IPO5: variants seen among roughly 807,000 people sequenced by gnomAD.
IPO5 encodes the protein importin-5.
In IPO5, 18 loss-of-function variants were observed where a neutral mutation model predicts 143.3. The observed-to-expected ratio is 0.13, with a 90% CI of 0.09 to 0.19. The LOEUF (loss-of-function observed/expected upper bound fraction) is 0.19, where lower values mean the gene tolerates loss of function less well. Ranked by LOEUF, IPO5 falls within the 10% of genes least tolerant of loss-of-function variation. The pLI is 1.00. For missense variants in IPO5, 1,013 were observed against 1,336.9 expected, an observed-to-expected ratio of 0.76 and a Z score of 3.78; for synonymous variants, 477 against 465.7, an observed-to-expected ratio of 1.02 and a Z score of -0.31.
intron 5 of IPO5, 141 bp from the exon 6 acceptor site, chr13:97,985,280 G>C: frequency 1.5e-6 from 1 of 655,928 alleles, no homozygotes; most frequent in Non-Finnish European, 2.6e-6. Context: ...AAATAAGTCT[G>C]TATAATAGAC....
At chr13:97,964,366 T>G (rs1885126920) in intron 2 of IPO5, among the ~76,000 whole-genome samples, 1 of 152,072 alleles carries the variant, frequency 6.6e-6, no homozygotes, top group African/African-American at 2.4e-5. Flanking sequence ...GAGTTAATTT[T>G]TGTATAAGGT....
intron 6 of IPO5, among the ~76,000 whole-genome samples, chr13:97,985,951 C>T (rs980428563): frequency 7.2e-5 from 11 of 151,864 alleles, no homozygotes; most frequent in African/African-American, 2.7e-4. Context: ...GGCAAAACCC[C>T]GTTTCTACAA....
At chr13:97,959,471 T>A (rs1884698431) in intron 2 of IPO5, among the ~76,000 whole-genome samples, 1 of 152,056 alleles carries the variant, frequency 6.6e-6, no homozygotes, top group Admixed American at 6.6e-5. Context: ...GGCTCACGCC[T>A]ATAATCCCAG....
chr13:97,995,532 G>A (rs1248623452), intron 11 of IPO5, among the ~76,000 whole-genome samples: 1 of 151,338 alleles, frequency 6.6e-6, no homozygotes, highest in Non-Finnish European at 1.5e-5. Context: ...GAGGCAGGTG[G>A]ATCACGAGGT....
chr13:97,959,796 C>T (rs1475396638), intron 2 of IPO5, among the ~76,000 whole-genome samples: 2 of 151,976 alleles, frequency 1.3e-5, no homozygotes, highest in Admixed American at 6.6e-5. Context: ...ATTCGTGATC[C>T]CATTATCTTC....
intron 18 of IPO5, among the ~76,000 whole-genome samples, chr13:98,009,342 CTG>C (rs1889518274): frequency 2.0e-5 from 3 of 152,132 alleles, no homozygotes; most frequent in Non-Finnish European, 4.4e-5. Context: ...ATGATAAAGT[CTG>C]TGTAAACACA....
chr13:97,958,692 G>A (rs1354571550), intron 2 of IPO5, among the ~76,000 whole-genome samples: 1 of 150,602 alleles, frequency 6.6e-6, no homozygotes, highest in Non-Finnish European at 1.5e-5. Flanking sequence ...AAGAAAGAAA[G>A]AGAAAAGAAA....
chr13:98,016,804 G>A lies in IPO5; in HGVS notation c.2569G>A (p.Val857Met). Residue 857 changes from valine (V) to methionine (M), a missense_variant, in exon 25 of 29, where the codon GTG becomes ATG. By Grantham distance (21) the Val-to-Met change is conservative (BLOSUM62 1). Transcript: ENST00000651721. ...HSIFSSYKEK[V>M]LPWFEQLLPL... ...AATATTCAGTAGCTACAAAGAAAAG[G>A]TGTTACCATGGTTTGAACAGCTGCT... The A allele has an allele frequency of 6.3e-7, 1 of 1,579,586 alleles. No homozygotes were observed. Among genetic ancestry groups the A allele is most frequent in the Non-Finnish European group, 8.6e-7 (1 of 1,164,550 alleles).
chr13:98,015,571 C>T lies in IPO5; in HGVS notation c.2367C>T (p.His789=), dbSNP rs571232509. The change falls in exon 23 of 29, where the codon CAC becomes CAT. Residue 789 remains histidine (H), a synonymous_variant. Transcript: ENST00000651721. The part of the protein sequence containing the change: ...VMGDGCLNNE[H]FEELGGILKA... Reference sequence around the variant, plus strand: ...GAGATGGATGCCTTAATAATGAACACTTTGAAGAACTGGGAGGTATATTGA... The same window carrying T: ...GAGATGGATGCCTTAATAATGAACATTTTGAAGAACTGGGAGGTATATTGA... The T allele has an allele frequency of 4.3e-6, 7 of 1,611,814 alleles. No homozygotes were observed. The highest frequency in any genetic ancestry group is 5.9e-6 in the Non-Finnish European group (7 of 1,178,330).
chr13:98,013,160 A>G (rs1889852973), intron 21 of IPO5, among the ~76,000 whole-genome samples: 1 of 152,112 alleles, frequency 6.6e-6, no homozygotes, highest in South Asian at 2.1e-4. Context: ...AGTTCAAGCG[A>G]TTCTTCTGCC....
chr13:98,017,629 T>G (rs888626899), intron 25 of IPO5, among the ~76,000 whole-genome samples: 2 of 151,728 alleles, frequency 1.3e-5, no homozygotes, highest in Non-Finnish European at 2.9e-5. Context: ...AGTTTTAGAT[T>G]CACAACCAAA....
intron 4 of IPO5, chr13:97,977,042 A>T (rs1472198753): frequency 3.5e-5 from 7 of 200,554 alleles, no homozygotes; most frequent in African/African-American, 1.7e-4. Context: ...GCCGCTCCCG[A>T]CGCGCCCCCG....
intron 26 of IPO5, 74 bp downstream of exon 26, chr13:98,018,778 C>A: frequency 3.9e-6 from 4 of 1,038,386 alleles, no homozygotes; most frequent in Non-Finnish European, 5.8e-6. Flanking sequence ...CTCTTTACCA[C>A]ACTCCCAAAC....
rs1225126899 is a variant in IPO5, at chr13:98,023,317, G to A, written c.*1495G>A. 1 of 152,120 alleles carries A rather than the reference G, an allele frequency of 6.6e-6. No individual in the cohort carries two copies. Among genetic ancestry groups the A allele is most frequent in the Non-Finnish European group, 1.5e-5 (1 of 68,026 alleles). 9.4% of individuals were successfully genotyped at this position (152,120 alleles called of 1,614,324 possible). On this transcript the variant is annotated 3_prime_UTR_variant, in exon 29 of 29. Coordinates refer to ENST00000651721, the MANE Select transcript of IPO5 (RefSeq NM_002271.6). ...GCTCTTGTAATGTGTGGTAATATTT[G>A]GAGCTTTATAGCCTGTATTCCTTGG...
At chr13:97,992,622 C>T (rs573246165) in intron 9 of IPO5, among the ~76,000 whole-genome samples, 7 of 152,138 alleles carry the variant, frequency 4.6e-5, no homozygotes, top group Non-Finnish European at 8.8e-5. Flanking sequence ...TCCTTGGTAG[C>T]CTTAAGTATT....
chr13:97,975,514 A>AT (rs1399459907), intron 3 of IPO5: 1 of 152,184 alleles, frequency 6.6e-6, no homozygotes, highest in Non-Finnish European at 1.5e-5. Flanking sequence ...AATGTATTGG[A>AT]TACAACAGGG....
At chr13:97,955,949 G>C (rs546417282) in intron 2 of IPO5, among the ~76,000 whole-genome samples, 26 of 152,168 alleles carry the variant, frequency 1.7e-4, no homozygotes, top group Non-Finnish European at 3.2e-4. Flanking sequence ...GGCTTAACAC[G>C]GTGAAACCCC....
intron 2 of IPO5, among the ~76,000 whole-genome samples, chr13:97,963,814 CA>C (rs1204297614): frequency 6.6e-6 from 1 of 152,190 alleles, no homozygotes; most frequent in African/African-American, 2.4e-5. Context: ...CTCCCACCAA[CA>C]GTGTAAAAGC....
chr13:97,985,666 T>A, intron 6 of IPO5, 53 bp downstream of exon 6: 1 of 1,111,352 alleles, frequency 9.0e-7, no homozygotes, highest in Non-Finnish European at 1.3e-6. Context: ...ATCCTTCCTT[T>A]TTTTTTTTTT....
Sources: allele counts gnomAD v4.1 joint callset (sites outside exome capture counted in the v4.1 genomes callset), GRCh38; gene constraint gnomAD v4.1.1; transcripts MANE v1.5; gene names NCBI Gene and HGNC (gene_info 2026-07-23, HGNC 2026-07-21).